Variants in PCDH10 observed in about 807,000 individuals in gnomAD.
The protein encoded by PCDH10 is protocadherin 10, also known as protocadherin-10.
PCDH10 carries 15 observed loss-of-function variants against 74.4 expected under a neutral mutation model. The ratio of observed to expected loss-of-function variants is 0.20; its 90% CI spans 0.13 to 0.31. PCDH10 has a LOEUF of 0.31. PCDH10 is among the 10% of genes least tolerant of loss of function. The probability of loss-of-function intolerance (pLI) is 1.00; values close to 1 mark genes in which losing one functional copy is unlikely to be tolerated. For missense variants in PCDH10, 1,260 were observed against 1,390.2 expected (o/e 0.91, Z 1.49); for synonymous variants, 619 against 589.8 (o/e 1.05, Z -0.72).
At chr4:133,201,369 T>C (rs1727907026) in intron 2 of PCDH10, among the ~76,000 whole-genome samples, 1 of 152,116 alleles carries the variant, frequency 6.6e-6, no homozygotes, top group African/African-American at 2.4e-5. Flanking sequence ...AGTGTATAGA[T>C]GGATGAGAAT....
chr4:133,162,228 C>T (rs903657807), intron 3 of PCDH10, among the ~76,000 whole-genome samples: 1 of 152,120 alleles, frequency 6.6e-6, no homozygotes, highest in African/African-American at 2.4e-5. Context: ...ATTTACACTG[C>T]ATTTGGTTAC....
At chr4:133,161,951 G>A (rs1392287732) in intron 3 of PCDH10, among the ~76,000 whole-genome samples, 1 of 152,060 alleles carries the variant, frequency 6.6e-6, no homozygotes, top group Non-Finnish European at 1.5e-5. Flanking sequence ...TCTGTGTAGT[G>A]CTATATATAT....
Position 133,183,924 on chromosome 4 carries a change from A to G in PCDH10, c.3104-6217A>G, listed in dbSNP as rs553500533. Among the ~76,000 whole-genome samples the G allele has an allele frequency of 2.6e-5, 4 of 152,270 alleles. No homozygotes were observed. In the East Asian group the frequency reaches 7.7e-4, roughly 29 times the overall value. Reference sequence around the variant, plus strand: ...ACATTTTATTCATTCATTGATGTATATTTCTGTTTCACAAAACTGTTTGCC... The same window carrying G: ...ACATTTTATTCATTCATTGATGTATGTTTCTGTTTCACAAAACTGTTTGCC... On this transcript the variant is annotated intron_variant, in intron 4 of 4. Transcript: ENST00000264360.
rs1268708730 is a variant in PCDH10 at position 133,163,080 on chromosome 4, T to C, written c.2901T>C (p.Ala967=). 1 of 1,614,138 alleles carries C rather than the reference T, an allele frequency of 6.2e-7. No individual in the cohort carries two copies. The highest frequency in any genetic ancestry group is 1.7e-5 in the Admixed American group (1 of 60,026). Residue 967 remains alanine (A), a synonymous_variant, in exon 4 of 5, where the codon GCT becomes GCC. Coordinates refer to ENST00000264360, the MANE Select transcript of PCDH10 (RefSeq NM_032961.3). ...SFVPSDGRQA[A]DYRSNLHVPG... ...TCCCTTCTGATGGACGCCAGGCTGC[T>C]GATTATCGCAGCAATCTGCATGTTC...
At chr4:133,195,203 T>C (rs192338213), downstream of PCDH10, among the ~76,000 whole-genome samples, 1 of 152,190 alleles carries the variant, frequency 6.6e-6, no homozygotes, top group East Asian at 1.9e-4. Flanking sequence ...AACTACAAGG[T>C]AATAGAAGAA....
chr4:133,185,997 G>A (rs1331720908), intron 4 of PCDH10, among the ~76,000 whole-genome samples: 1 of 152,046 alleles, frequency 6.6e-6, no homozygotes, highest in Non-Finnish European at 1.5e-5. Flanking sequence ...CAACATACAT[G>A]TGACAGTCAT....
Position 133,151,930 on chromosome 4 carries a change from G to A in PCDH10, c.1790G>A (p.Gly597Asp). ...GTGCTGCCCCGCTCGGCGGAGCCGG[G>A]TTACCTGCTCACCCGCGTGGCCGCC... ...REVLPRSAEPGYLLTRVAAVD... is the reference protein window; with the variant it reads ...REVLPRSAEPDYLLTRVAAVD... The change falls in exon 1 of 5, where the codon GGT (glycine) becomes GAT (aspartate). Residue 597 changes from glycine (G) to aspartate (D), a missense_variant. Gly to Asp is a moderately conservative substitution (Grantham distance 94). This residue lies in a region of PCDH10 where 587 missense variants were observed against 616.9 expected (regional missense o/e 0.95). Coordinates refer to ENST00000264360, the MANE Select transcript of PCDH10 (RefSeq NM_032961.3). The A allele has an allele frequency of 1.2e-6, 2 of 1,612,344 alleles. No homozygotes were observed. Among genetic ancestry groups the A allele is most frequent in the Non-Finnish European group, 1.7e-6 (2 of 1,179,666 alleles).
At chr4:133,162,231 T>C (rs1254291988) in intron 3 of PCDH10, among the ~76,000 whole-genome samples, 1 of 152,148 alleles carries the variant, frequency 6.6e-6, no homozygotes, top group Non-Finnish European at 1.5e-5. Context: ...TACACTGCAT[T>C]TGGTTACCTT....
At position 133,190,429 on chromosome 4, in the gene PCDH10, A is replaced by T. The variant is rs1727636810; in HGVS notation, c.*269A>T. On this transcript the variant is annotated 3_prime_UTR_variant, in exon 5 of 5. Transcript: ENST00000264360. ...TGTGTGCCTGTTTACAGCACTATCT[A>T]TCTTTCTCTCTCCAAATGTCACTGA... The T allele has an allele frequency of 2.2e-6, 1 of 451,970 alleles. No homozygotes were observed. Among genetic ancestry groups the T allele is most frequent in the South Asian group, 5.0e-5 (1 of 20,146 alleles). 28.0% of individuals were successfully genotyped at this position (451,970 alleles called of 1,614,324 possible).
At chr4:133,203,191 A>G (rs1464118405) in intron 2 of PCDH10, among the ~76,000 whole-genome samples, 3 of 152,126 alleles carry the variant, frequency 2.0e-5, no homozygotes, top group Non-Finnish European at 2.9e-5. Flanking sequence ...GTCCACTGTC[A>G]GCTTATGGCC....
At chr4:133,183,533 T>C (rs1187011924) in intron 4 of PCDH10, among the ~76,000 whole-genome samples, 1 of 152,280 alleles carries the variant, frequency 6.6e-6, no homozygotes, top group Admixed American at 6.5e-5. Flanking sequence ...TTTTTAAAGC[T>C]GTTAAGTCTT....
intron 3 of PCDH10, among the ~76,000 whole-genome samples, chr4:133,158,990 T>G (rs1025586584): frequency 1.3e-5 from 2 of 152,108 alleles, no homozygotes; most frequent in Admixed American, 1.3e-4. Flanking sequence ...TTAATAACTA[T>G]CTGCTTCAAA....
chr4:133,196,359 G>T (rs1309965982), downstream of PCDH10, among the ~76,000 whole-genome samples: 1 of 152,154 alleles, frequency 6.6e-6, no homozygotes, highest in East Asian at 1.9e-4. Context: ...ATAGGAAATA[G>T]AAGCTGTTAA....
intron 2 of PCDH10, among the ~76,000 whole-genome samples, chr4:133,199,941 G>A (rs928717903): frequency 2.0e-5 from 3 of 151,134 alleles, no homozygotes; most frequent in Non-Finnish European, 2.9e-5. Flanking sequence ...GGGACTACAG[G>A]TGCACGCCGC....
At chr4:133,205,140 A>T (rs1194513164) in intron 2 of PCDH10, among the ~76,000 whole-genome samples, 1 of 152,122 alleles carries the variant, frequency 6.6e-6, no homozygotes, top group Non-Finnish European at 1.5e-5. Context: ...TCTGGAGCAG[A>T]GTGGGAAGGG....
chr4:133,190,096 A>C, intron 4 of PCDH10, 45 bp from the exon 5 acceptor site: 2 of 1,542,222 alleles, frequency 1.3e-6, no homozygotes, highest in Non-Finnish European at 1.8e-6. Context: ...TAAACTCCAA[A>C]AGTCAACCTC....
chr4:133,160,246 C>T (rs185375083), intron 3 of PCDH10, among the ~76,000 whole-genome samples: 32 of 151,956 alleles, frequency 2.1e-4, no homozygotes, highest in African/African-American at 7.5e-4. Flanking sequence ...TTTGAGCCAC[C>T]TTACCTTTCC....
At chr4:133,152,881 T>A (rs774061917) in intron 1 of PCDH10, 110 bp downstream of exon 1, 1 of 1,503,410 alleles carries the variant, frequency 6.7e-7, no homozygotes, top group South Asian at 1.3e-5. Flanking sequence ...GGATATTAGC[T>A]TATGTGTATC....
At chr4:133,201,961 G>A (rs986224749) in intron 2 of PCDH10, among the ~76,000 whole-genome samples, 3 of 151,630 alleles carry the variant, frequency 2.0e-5, no homozygotes, top group Admixed American at 6.6e-5. Flanking sequence ...AGAAGGCTTA[G>A]GGCATTTGAG....
Sources: gnomAD v4.1 joint callset for allele counts (sites outside exome capture counted in the v4.1 genomes callset) on GRCh38, gnomAD v4.1.1 for gene constraint, gnomAD v4.1.1 regional missense constraint, MANE v1.5 for transcripts, NCBI Gene and HGNC (gene_info 2026-07-23, HGNC 2026-07-21) for gene names.